The following NAPB variants were observed in gnomAD, a reference collection of about 807,000 sequenced individuals.
NAPB encodes the protein NSF attachment protein beta, also known as beta-soluble NSF attachment protein.
A neutral mutation model predicts 44.7 loss-of-function variants in NAPB; 26 were observed. The ratio of observed to expected loss-of-function variants is 0.58; its 90% CI spans 0.43 to 0.81. The LOEUF (loss-of-function observed/expected upper bound fraction) is 0.81, where lower values mean the gene tolerates loss of function less well. Among genes scored for constraint, NAPB ranks in the 30% least tolerant of loss-of-function variants. NAPB has a pLI of 0.00. For missense variants in NAPB, 315 were observed against 356.4 expected, an observed-to-expected ratio of 0.88 and a Z score of 0.94; for synonymous variants, 120 against 116.8, an observed-to-expected ratio of 1.03 and a Z score of -0.18.
At chr20:23,381,354 A>G (rs775502892) in intron 7 of NAPB, 37 bp from the exon 8 acceptor site, 22 of 1,349,368 alleles carry the variant, frequency 1.6e-5, no homozygotes, top group Non-Finnish European at 2.2e-5. Context: ...TAAAAGATTT[A>G]CCCTCTTATA....
chr20:23,378,157 C>CA (rs35687678), intron 10 of NAPB, among the ~76,000 whole-genome samples: 10,474 of 119,976 alleles, frequency 0.087, 903 homozygotes, highest in African/African-American at 0.23. Flanking sequence ...ACAAAAAATG[C>CA]AAAAAAAAAA....
intron 1 of NAPB, among the ~76,000 whole-genome samples, chr20:23,412,717 C>A (rs1985742593): frequency 6.6e-6 from 1 of 152,214 alleles, no homozygotes; most frequent in Non-Finnish European, 1.5e-5. Flanking sequence ...TATCCACCTT[C>A]TAAAGTATAC....
rs910483139 is a variant in NAPB, at chr20:23,404,452, T to C, written c.99-1380A>G. Among the ~76,000 whole-genome samples the C allele has an allele frequency of 2.6e-5, 4 of 152,200 alleles. 1 individual carries two copies. The highest frequency in any genetic ancestry group is 1.3e-4 in the Admixed American group (2 of 15,272). ...AGCTCCCTGTCAACACAAGTCCTAG[T>C]GCAGAGCAGAGGCTGGGCATACAGC... On this transcript the variant is annotated intron_variant, in intron 1 of 10. Coordinates refer to ENST00000377026, the MANE Select transcript of NAPB (RefSeq NM_022080.3).
intron 1 of NAPB, among the ~76,000 whole-genome samples, chr20:23,409,068 CA>C (rs1438954848): frequency 1.3e-5 from 2 of 152,114 alleles, no homozygotes; most frequent in African/African-American, 4.8e-5. Context: ...TGAGTCAGAC[CA>C]CCTACAAATG....
In NAPB at chr20:23,375,678, T is replaced by C. The variant is rs1281889737; in HGVS notation, c.*1698A>G. The C allele has an allele frequency of 6.6e-6, 1 of 152,144 alleles. No individual in the cohort carries two copies. Among genetic ancestry groups the C allele is most frequent in the African/African-American group, 2.4e-5 (1 of 41,396 alleles). The allele number at this position is 152,144 out of a possible 1,614,324, so 9.4% of individuals were successfully genotyped here. A position where few individuals can be genotyped will look rare whatever the true frequency, so the allele number is the denominator to read the frequency against. ...CTTGGAAGGAAGGAGGAAATCCACA[T>C]TAAATTCTAGGGCCCAACAGACAGA... is the stretch of plus-strand genomic sequence containing the variant. On this transcript the variant is annotated 3_prime_UTR_variant, in exon 11 of 11. Transcript: ENST00000377026.
rs563859996 is a variant in NAPB at position 23,389,247 on chromosome 20, A to C, written c.561+699T>G. Among the ~76,000 whole-genome samples the C allele has an allele frequency of 1.8e-4, 27 of 151,398 alleles. No individual in the cohort carries two copies. The East Asian group carries it at 5.0e-3, about 28-fold the overall frequency. On this transcript the variant is annotated intron_variant, in intron 7 of 10. Transcript: ENST00000377026. The stretch of plus-strand genomic sequence containing the variant: ...ACTATTATTTAAAAAAAAAAAAAAA[A>C]AAAAACCAAAACAAGTATTGGTGAG...
Position 23,379,574 on chromosome 20 carries a change from C to T in NAPB, c.736-79G>A, listed in dbSNP as rs552156581. 6.1e-5 allele frequency: 66 copies of T among 1,084,570 alleles called. No individual in the cohort carries two copies. In the African/African-American group the frequency reaches 9.2e-4, roughly 15 times the overall value. 67.2% of individuals were successfully genotyped at this position (1,084,570 alleles called of 1,614,324 possible). On this transcript the variant is annotated intron_variant, in intron 9 of 10. Transcript: ENST00000377026. ...CTAAATATATACTTTAAGTATAATA[C>T]CAATGTTGCCAAATATTGCACAAAA...
In NAPB at chr20:23,374,641, C is replaced by CACAGCAGGCAGGTCACGGGGGCAT. The variant is rs1214573801; in HGVS notation, c.*2711_*2734dup. On this transcript the variant is annotated 3_prime_UTR_variant, in exon 11 of 11. Coordinates refer to ENST00000377026, the MANE Select transcript of NAPB (RefSeq NM_022080.3). ...GCCTGCTCTTGGTCATAGCTCATACCACAGCAGGCAGGTCACGGGGGCATG... is the reference window on the plus strand; with the variant it reads ...GCCTGCTCTTGGTCATAGCTCATACCACAGCAGGCAGGTCACGGGGGCATACAGCAGGCAGGTCACGGGGGCATG... 1 of 152,088 alleles carries CACAGCAGGCAGGTCACGGGGGCAT rather than the reference C, an allele frequency of 6.6e-6. No homozygotes were observed. The highest frequency in any genetic ancestry group is 1.5e-5 in the Non-Finnish European group (1 of 68,018). 9.4% of individuals were successfully genotyped at this position (152,088 alleles called of 1,614,324 possible).
In NAPB at chr20:23,377,361, A is replaced by G; in HGVS notation, c.*15T>C. ...TAAAGAGGAGTTAGCTGCATGCCAC[A>G]AAGACAAAAACATTTCATTTTAGGT... On this transcript the variant is annotated 3_prime_UTR_variant, in exon 11 of 11. Coordinates refer to ENST00000377026, the MANE Select transcript of NAPB (RefSeq NM_022080.3). 6.5e-7 allele frequency: 1 copy of G among 1,543,796 alleles called. No homozygotes were observed. Among genetic ancestry groups the G allele is most frequent in the Non-Finnish European group, 8.9e-7 (1 of 1,127,086 alleles).
chr20:23,387,280 G>A (rs147673181), intron 7 of NAPB, among the ~76,000 whole-genome samples: 4 of 152,116 alleles, frequency 2.6e-5, no homozygotes, highest in Non-Finnish European at 4.4e-5. Context: ...GATATCTACC[G>A]CTATCACACT....
intron 10 of NAPB, among the ~76,000 whole-genome samples, chr20:23,378,471 C>G (rs937603268): frequency 6.7e-6 from 1 of 149,922 alleles, no homozygotes; most frequent in Admixed American, 6.6e-5. Context: ...GATGGAGTTT[C>G]ACTCTTGTTG....
At chr20:23,391,555 C>T (rs936629401) in intron 5 of NAPB, among the ~76,000 whole-genome samples, 2 of 152,248 alleles carry the variant, frequency 1.3e-5, no homozygotes, top group African/African-American at 4.8e-5. Flanking sequence ...GCTCTTTAAA[C>T]CAGGGCTCTA....
chr20:23,375,163 C>A lies in NAPB; in HGVS notation c.*2213G>T, dbSNP rs898353596. On this transcript the variant is annotated 3_prime_UTR_variant, in exon 11 of 11. Coordinates refer to ENST00000377026, the MANE Select transcript of NAPB (RefSeq NM_022080.3). ...TCTAGCCATTACAATTACTTTGATT[C>A]TTTTCATGTGAAATATTAAAAACAA... The A allele has an allele frequency of 6.6e-6, 1 of 151,988 alleles. No individual in the cohort carries two copies. Among genetic ancestry groups the A allele is most frequent in the Non-Finnish European group, 1.5e-5 (1 of 67,998 alleles). 9.4% of individuals were successfully genotyped at this position (151,988 alleles called of 1,614,324 possible).
chr20:23,383,433 C>A (rs1028442437), intron 7 of NAPB, among the ~76,000 whole-genome samples: 1 of 151,958 alleles, frequency 6.6e-6, no homozygotes, highest in African/African-American at 2.4e-5. Flanking sequence ...ACAATGGAGG[C>A]CGACTAGGCG....
chr20:23,400,086 C>A (rs1984718539), intron 2 of NAPB, among the ~76,000 whole-genome samples: 1 of 152,188 alleles, frequency 6.6e-6, no homozygotes, highest in African/African-American at 2.4e-5. Flanking sequence ...TTCTGGGCTA[C>A]CTCCATTTCT....
At chr20:23,415,213 C>T (rs1397234042) in intron 1 of NAPB, among the ~76,000 whole-genome samples, 3 of 152,098 alleles carry the variant, frequency 2.0e-5, no homozygotes, top group Non-Finnish European at 4.4e-5. Context: ...TGGTAACCAT[C>T]AGAAAAACTA....
chr20:23,401,660 C>T (rs1467960673), intron 2 of NAPB, among the ~76,000 whole-genome samples: 1 of 152,150 alleles, frequency 6.6e-6, no homozygotes, highest in South Asian at 2.1e-4. Context: ...GTGGGTGGAT[C>T]GCCTGAGCTC....
At chr20:23,413,720 T>A (rs1600601242) in intron 1 of NAPB, among the ~76,000 whole-genome samples, 1 of 152,216 alleles carries the variant, frequency 6.6e-6, no homozygotes, top group African/African-American at 2.4e-5. Context: ...TTTTAAAACT[T>A]AGATAAAATG....
intron 5 of NAPB, among the ~76,000 whole-genome samples, chr20:23,391,148 A>G (rs1983926189): frequency 6.6e-6 from 1 of 152,144 alleles, no homozygotes; most frequent in Non-Finnish European, 1.5e-5. Flanking sequence ...TGTCTCTACT[A>G]AAAAGATACA....
Sources: gnomAD v4.1 joint callset for allele counts (sites outside exome capture counted in the v4.1 genomes callset) on GRCh38, gnomAD v4.1.1 for gene constraint, MANE v1.5 for transcripts, NCBI Gene and HGNC (gene_info 2026-07-23, HGNC 2026-07-21) for gene names.